Variants in LAMA2 observed in about 807,000 individuals in gnomAD.
The protein encoded by LAMA2 is laminin subunit alpha 2.
LAMA2 carries 269 observed loss-of-function variants against 364.8 expected under a neutral mutation model. That is an observed-to-expected ratio of 0.74 (90% CI 0.67 to 0.82). The LOEUF (loss-of-function observed/expected upper bound fraction) is 0.82. Among genes scored for constraint, LAMA2 ranks in the 40% least tolerant of loss-of-function variants. The pLI, the probability that LAMA2 is intolerant of heterozygous loss-of-function variation, is 0.00. For missense variants in LAMA2, 3,807 were observed against 3,873.2 expected (o/e 0.98, Z 0.45); for synonymous variants, 1,379 against 1,370.6 (o/e 1.01, Z -0.14).
At chr6:129,061,704 A>G (rs1582966809) in intron 3 of LAMA2, among the ~76,000 whole-genome samples, 1 of 152,212 alleles carries the variant, frequency 6.6e-6, no homozygotes, top group Non-Finnish European at 1.5e-5. Context: ...TGGAGGTAAG[A>G]TGAGTGAATA....
At chr6:129,087,688 A>C (rs1248908084) in intron 3 of LAMA2, among the ~76,000 whole-genome samples, 1 of 152,074 alleles carries the variant, frequency 6.6e-6, no homozygotes, top group Non-Finnish European at 1.5e-5. Context: ...TTTTGCAAGC[A>C]GGTTATAATA....
intron 10 of LAMA2, among the ~76,000 whole-genome samples, chr6:129,179,457 T>C (rs1268560437): frequency 6.6e-6 from 1 of 152,108 alleles, no homozygotes; most frequent in Non-Finnish European, 1.5e-5. Flanking sequence ...TTAATTTTCT[T>C]TGGTAAATAT....
intron 58 of LAMA2, among the ~76,000 whole-genome samples, chr6:129,495,499 C>T (rs935665646): frequency 1.3e-5 from 2 of 152,116 alleles, no homozygotes; most frequent in African/African-American, 4.8e-5. Context: ...ATTAATGCAC[C>T]TAAGAATGTT....
intron 41 of LAMA2, among the ~76,000 whole-genome samples, chr6:129,436,708 A>G (rs1194841240): frequency 6.6e-6 from 1 of 152,140 alleles, no homozygotes; most frequent in African/African-American, 2.4e-5. Context: ...TGGCATTATC[A>G]TACATTTAAT....
At position 129,492,084 on chromosome 6, in the gene LAMA2, G is replaced by A; in HGVS notation, c.8075+7G>A. ...ATCTTGTTATTAACTCTGTGTAAGT[G>A]GATCTCCTCATTACTACTACTAATT... On this transcript the variant is annotated splice_region_variant and intron_variant, in intron 57 of 64. Transcript: ENST00000421865. 2.5e-6 allele frequency: 4 copies of A among 1,610,376 alleles called. No individual in the cohort carries two copies. The highest frequency in any genetic ancestry group is 3.4e-6 in the Non-Finnish European group (4 of 1,176,756).
chr6:129,248,052 A>G (rs1305974106), intron 12 of LAMA2, among the ~76,000 whole-genome samples: 2 of 152,216 alleles, frequency 1.3e-5, no homozygotes, highest in Non-Finnish European at 2.9e-5. Context: ...GGTAAGCATC[A>G]GGCAAGTGAG....
At chr6:129,264,927 G>C (rs1038384777) in intron 15 of LAMA2, among the ~76,000 whole-genome samples, 2 of 152,146 alleles carry the variant, frequency 1.3e-5, no homozygotes, top group South Asian at 2.1e-4. Flanking sequence ...GTTAAGAGTA[G>C]TGTTACTGAA....
intron 1 of LAMA2, among the ~76,000 whole-genome samples, chr6:128,943,760 A>G (rs1016076868): frequency 3.9e-5 from 6 of 152,346 alleles, no homozygotes; most frequent in African/African-American, 1.4e-4. Context: ...TTTGGCACAG[A>G]TGAAGAAGAC....
At chr6:129,105,601 T>C (rs1220053554) in intron 4 of LAMA2, among the ~76,000 whole-genome samples, 3 of 152,198 alleles carry the variant, frequency 2.0e-5, no homozygotes, top group Non-Finnish European at 4.4e-5. Flanking sequence ...GCACCAGTTA[T>C]TTAGGGAAAG....
At chr6:129,445,502 A>G (rs563052549) in intron 44 of LAMA2, among the ~76,000 whole-genome samples, 165 bp from the exon 45 acceptor site, 1 of 152,296 alleles carries the variant, frequency 6.6e-6, no homozygotes, top group African/African-American at 2.4e-5. Flanking sequence ...TTGAGTCTCA[A>G]CTAAAATATT....
chr6:129,125,217 C>A (rs537346018), intron 4 of LAMA2, among the ~76,000 whole-genome samples: 1 of 152,204 alleles, frequency 6.6e-6, no homozygotes, highest in East Asian at 1.9e-4. Context: ...GTGGGCATAG[C>A]AGGTTTTGAC....
chr6:129,316,175 A>T lies in LAMA2; in HGVS notation c.4058+4A>T. 2 of 1,597,422 alleles carry T rather than the reference A, an allele frequency of 1.3e-6. No homozygotes were observed. The highest frequency in any genetic ancestry group is 2.2e-5 in the South Asian group (2 of 90,686). ...GAAATTTCATGCGACAAAGCAGGTA[A>T]ACTCTAATAGAAAATATTCAAGCTC... On this transcript the variant is annotated splice_donor_region_variant and intron_variant, in intron 27 of 64. Coordinates refer to ENST00000421865, the MANE Select transcript of LAMA2 (RefSeq NM_000426.4).
intron 35 of LAMA2, among the ~76,000 whole-genome samples, chr6:129,389,841 T>G (rs1366843625): frequency 1.3e-5 from 2 of 152,180 alleles, no homozygotes; most frequent in African/African-American, 4.8e-5. Flanking sequence ...CTCCCATGAT[T>G]CAGTCACCAC....
At chr6:128,923,833 G>T (rs1251088718) in intron 1 of LAMA2, among the ~76,000 whole-genome samples, 1 of 152,058 alleles carries the variant, frequency 6.6e-6, no homozygotes, top group Admixed American at 6.6e-5. Flanking sequence ...GGTGACTCAG[G>T]GTCCCAGTTG....
intron 56 of LAMA2, among the ~76,000 whole-genome samples, chr6:129,488,835 A>T (rs950873181): frequency 6.6e-6 from 1 of 152,202 alleles, no homozygotes; most frequent in African/African-American, 2.4e-5. Flanking sequence ...CCCAGAAAAA[A>T]TTTTTAATGC....
chr6:128,947,247 A>G (rs1373071108), intron 1 of LAMA2, among the ~76,000 whole-genome samples: 3 of 152,222 alleles, frequency 2.0e-5, no homozygotes, highest in Admixed American at 2.0e-4. Flanking sequence ...TTTAACTACC[A>G]GGTTTGCACG....
chr6:129,440,814 A>G lies in LAMA2; in HGVS notation c.6086-2A>G, dbSNP rs759055212. 5.6e-6 allele frequency: 9 copies of G among 1,613,538 alleles called. No homozygotes were observed. Among genetic ancestry groups the G allele is most frequent in the Non-Finnish European group, 7.6e-6 (9 of 1,179,528 alleles). ...GTTTTTCATACCCTCATCTGCTGAC[A>G]GATACAGCTGCTAAACTGCAAGCTG... On this transcript the variant is annotated splice_acceptor_variant, in intron 42 of 64. Coordinates refer to ENST00000421865, the MANE Select transcript of LAMA2 (RefSeq NM_000426.4). LOFTEE classifies it high-confidence loss of function.
At chr6:128,956,529 T>G (rs1044659456) in intron 1 of LAMA2, among the ~76,000 whole-genome samples, 3 of 152,000 alleles carry the variant, frequency 2.0e-5, no homozygotes, top group Admixed American at 1.3e-4. Flanking sequence ...ATAGGAGAGA[T>G]AAAATGATAG....
At chr6:128,985,652 C>T (rs1255819142) in intron 1 of LAMA2, among the ~76,000 whole-genome samples, 1 of 152,036 alleles carries the variant, frequency 6.6e-6, no homozygotes, top group African/African-American at 2.4e-5. Flanking sequence ...ACATTACTTG[C>T]TTCAATAATT....
Sources: allele counts gnomAD v4.1 joint callset (sites outside exome capture counted in the v4.1 genomes callset), GRCh38; gene constraint gnomAD v4.1.1; transcripts MANE v1.5; gene names NCBI Gene and HGNC (gene_info 2026-07-23, HGNC 2026-07-21).